SHLD1: variants seen among roughly 807,000 people sequenced by gnomAD.
SHLD1 encodes shieldin complex subunit 1.
SHLD1 carries 3 observed loss-of-function variants against 5.5 expected under a neutral mutation model. The ratio of observed to expected loss-of-function variants is 0.54; its 90% confidence interval spans 0.25 to 1.40. The LOEUF is 1.40. Among genes scored for constraint, SHLD1 ranks in the 40% most tolerant of loss-of-function variants. SHLD1 has a pLI of 0.15. For synonymous variants in SHLD1, 92 were observed against 94.3 expected (o/e 0.98, Z 0.14); for missense variants, 210 against 244.4 (o/e 0.86, Z 0.94).
At chr20:5,771,101 T>C (rs1985127222) in intron 1 of SHLD1, among the ~76,000 whole-genome samples, 2 of 152,350 alleles carry the variant, frequency 1.3e-5, no homozygotes, top group Admixed American at 1.3e-4. Context: ...TTCTTTGCTC[T>C]GTACACTATG....
chr20:5,815,338 A>G (rs765300481), intron 2 of SHLD1, among the ~76,000 whole-genome samples: 1 of 152,054 alleles, frequency 6.6e-6, no homozygotes, highest in African/African-American at 2.4e-5. Context: ...ACGCTGAAAA[A>G]CCACTGCCTT....
rs922451256 is a variant in SHLD1 at position 5,759,470 on chromosome 20, A to G, written c.-5+8991A>G. Among the ~76,000 whole-genome samples, 7 of 151,966 alleles carry G rather than the reference A, an allele frequency of 4.6e-5. No individual in the cohort carries two copies. In the South Asian group the frequency reaches 6.2e-4, roughly 13 times the overall value. On this transcript the variant is annotated intron_variant, in intron 1 of 2. Transcript: ENST00000303142. ...GAGATGGGATTTCACCATGTTGGCA[A>G]GGCTGGTCTCGAACTTCTGGCCCCA...
At chr20:5,804,347 A>G (rs1264762945) in intron 2 of SHLD1, among the ~76,000 whole-genome samples, 1 of 135,516 alleles carries the variant, frequency 7.4e-6, no homozygotes, top group East Asian at 1.9e-4. Context: ...ATCGCAAAAA[A>G]AAACTATATA....
At chr20:5,856,303 C>G (rs188434983) in intron 2 of SHLD1, among the ~76,000 whole-genome samples, 52 of 152,270 alleles carry the variant, frequency 3.4e-4, no homozygotes, top group African/African-American at 1.3e-3. Context: ...AGGAAAGAAG[C>G]CAGATTTATG....
chr20:5,862,297 G>T (rs1257850462), intron 2 of SHLD1, among the ~76,000 whole-genome samples: 1 of 152,244 alleles, frequency 6.6e-6, no homozygotes, highest in Non-Finnish European at 1.5e-5. Flanking sequence ...CCCACCAGGT[G>T]ACTTAAGAGT....
chr20:5,778,604 CAAAA>C (rs59026745), intron 2 of SHLD1, among the ~76,000 whole-genome samples: 1 of 96,716 alleles, frequency 1.0e-5, no homozygotes. Flanking sequence ...AAGACCTTGT[CAAAA>C]AAAAAAAAAA....
At chr20:5,832,263 T>C (rs1052000426) in intron 2 of SHLD1, among the ~76,000 whole-genome samples, 1 of 152,198 alleles carries the variant, frequency 6.6e-6, no homozygotes, top group Non-Finnish European at 1.5e-5. Context: ...TAGAGAATAA[T>C]GGAAGTGAAT....
intron 1 of SHLD1, among the ~76,000 whole-genome samples, chr20:5,765,832 T>G (rs2122218201): frequency 7.7e-6 from 1 of 130,096 alleles, no homozygotes; most frequent in East Asian, 2.6e-4. Context: ...TTGGCCAGGC[T>G]GGTCTCAAAC....
chr20:5,773,515 G>A (rs372324520), intron 2 of SHLD1: 235 of 224,708 alleles, frequency 1.0e-3, no homozygotes, highest in Admixed American at 2.1e-3. Flanking sequence ...CTAGATTGCC[G>A]AAACATCTAT....
At chr20:5,760,045 A>G (rs1033886483) in intron 1 of SHLD1, among the ~76,000 whole-genome samples, 1 of 152,162 alleles carries the variant, frequency 6.6e-6, no homozygotes, top group African/African-American at 2.4e-5. Flanking sequence ...AGTATATTGC[A>G]GACATCATGT....
At chr20:5,856,552 C>T (rs369078656) in intron 2 of SHLD1, among the ~76,000 whole-genome samples, 3 of 152,144 alleles carry the variant, frequency 2.0e-5, no homozygotes, top group Non-Finnish European at 2.9e-5. Flanking sequence ...GCCCATGGCC[C>T]CTCATATACT....
intron 1 of SHLD1, among the ~76,000 whole-genome samples, chr20:5,764,384 G>A (rs1277386254): frequency 6.6e-6 from 1 of 150,790 alleles, no homozygotes; most frequent in African/African-American, 2.4e-5. Context: ...AGCTAACAGA[G>A]TGTTCAAAAA....
intron 2 of SHLD1, among the ~76,000 whole-genome samples, chr20:5,783,464 TCCACCTA>T (rs1365112514): frequency 6.6e-6 from 1 of 152,122 alleles, no homozygotes; most frequent in Non-Finnish European, 1.5e-5. Context: ...CCTCAGTTGA[TCCACCTA>T]CCTTGGCCTC....
At chr20:5,822,697 T>C (rs2087619549) in intron 2 of SHLD1, among the ~76,000 whole-genome samples, 1 of 151,774 alleles carries the variant, frequency 6.6e-6, no homozygotes, top group South Asian at 2.1e-4. Context: ...AATCTTCATC[T>C]CCTCTCTCCT....
intron 1 of SHLD1, among the ~76,000 whole-genome samples, chr20:5,767,429 C>T (rs960348784): frequency 2.6e-5 from 4 of 152,232 alleles, no homozygotes; most frequent in East Asian, 1.9e-4. Flanking sequence ...TCAGCCACCG[C>T]GCCTGGCCTC....
At chr20:5,784,157 A>G (rs1468375557) in intron 2 of SHLD1, among the ~76,000 whole-genome samples, 2 of 151,046 alleles carry the variant, frequency 1.3e-5, no homozygotes, top group African/African-American at 2.4e-5. Context: ...CTTAAAAAAA[A>G]AAAAAAGAAA....
intron 2 of SHLD1, among the ~76,000 whole-genome samples, chr20:5,786,881 G>T (rs1323125568): frequency 2.9e-5 from 3 of 104,190 alleles, no homozygotes; most frequent in African/African-American, 7.2e-5. Context: ...AAGACAAAAA[G>T]GCTTCTCAAG....
chr20:5,827,576 C>G lies in SHLD1; in HGVS notation c.179-35448C>G, dbSNP rs191464037. On this transcript the variant is annotated intron_variant, in intron 2 of 2. Coordinates refer to ENST00000303142, the MANE Select transcript of SHLD1 (RefSeq NM_152504.4). ...CAGGCCCCCCATCTCTGTCCCCATA[C>G]CCTCCTCCCCTGCCATTCTGCCAGT... is the stretch of plus-strand genomic sequence containing the variant. Among the ~76,000 whole-genome samples the G allele has an allele frequency of 4.3e-4, 66 of 152,238 alleles. 1 individual carries two copies. The East Asian group carries it at 0.012, about 28-fold the overall frequency.
In SHLD1 at chr20:5,863,613, C is replaced by T; in HGVS notation, c.*150C>T. On this transcript the variant is annotated 3_prime_UTR_variant, in exon 3 of 3. Coordinates refer to ENST00000303142, the MANE Select transcript of SHLD1 (RefSeq NM_152504.4). ...TGAGGTTAAAGGCTGGCACCTGTGA[C>T]CTGGTATTGGAGCCAGTCAGCCCAT... The T allele has an allele frequency of 1.3e-6, 1 of 752,634 alleles. No homozygotes were observed. Among genetic ancestry groups the T allele is most frequent in the Non-Finnish European group, 2.1e-6 (1 of 479,682 alleles). The allele number at this position is 752,634 out of a possible 1,614,324, so 46.6% of individuals were successfully genotyped here. A position where few individuals can be genotyped will look rare whatever the true frequency, so the allele number is the denominator to read the frequency against.
Sources: gnomAD v4.1 joint callset for allele counts (sites outside exome capture counted in the v4.1 genomes callset) on GRCh38, gnomAD v4.1.1 for gene constraint, MANE v1.5 for transcripts, NCBI Gene and HGNC (gene_info 2026-07-23, HGNC 2026-07-21) for gene names.